The following KIRREL3 variants were observed in gnomAD, a reference collection of about 807,000 sequenced individuals.
KIRREL3 encodes kin of IRRE-like protein 3.
KIRREL3 carries 36 observed loss-of-function variants against 89.7 expected under a neutral mutation model. The ratio of observed to expected loss-of-function variants is 0.40; its 90% CI spans 0.31 to 0.53. The LOEUF (loss-of-function observed/expected upper bound fraction) is 0.53, where lower values mean the gene tolerates loss of function less well. Among genes scored for constraint, KIRREL3 ranks in the 20% least tolerant of loss-of-function variants. The pLI is 0.49. For missense variants in KIRREL3, 864 were observed against 1,056.6 expected (o/e 0.82, Z 2.53); for synonymous variants, 445 against 441.4 (o/e 1.01, Z -0.10).
At position 126,744,877 on chromosome 11, in the gene KIRREL3, A is replaced by C. The variant is rs1223632177; in HGVS notation, c.56-181965T>G. On this transcript the variant is annotated intron_variant, in intron 1 of 16. Transcript: ENST00000525144. The surrounding 1 kb of genome is among the most constrained non-coding windows in gnomAD (Gnocchi z 4.7). ...TTGTGTCTGCCACATAGTAAGTGCTAAAAAAAAAAAAAAAGGTGGGAAAAG... is the reference window on the plus strand; with the variant it reads ...TTGTGTCTGCCACATAGTAAGTGCTCAAAAAAAAAAAAAAGGTGGGAAAAG... Among the ~76,000 whole-genome samples the C allele has an allele frequency of 1.0e-3, 3 of 2,942 alleles. No individual in the cohort carries two copies. The highest frequency in any genetic ancestry group is 0.33 in the East Asian group (2 of 6). 1.9% of individuals were successfully genotyped at this position (2,942 alleles called of 152,430 possible).
Position 126,921,660 on chromosome 11 carries a change from A to G in KIRREL3, c.55+78795T>C, listed in dbSNP as rs188698810. Among the ~76,000 whole-genome samples the G allele has an allele frequency of 5.1e-4, 76 of 148,672 alleles. 2 individuals are homozygous for G. The highest frequency in any genetic ancestry group is 1.8e-3 in the African/African-American group (71 of 40,184). On this transcript the variant is annotated intron_variant, in intron 1 of 16. Coordinates refer to ENST00000525144, the MANE Select transcript of KIRREL3 (RefSeq NM_032531.4). ...CATCCATCTTCCTGTGTTCCTATCT[A>G]TCTATTATCTATCTGTAATCTATCT...
chr11:126,826,191 C>G (rs967529625), intron 1 of KIRREL3, among the ~76,000 whole-genome samples: 1 of 152,162 alleles, frequency 6.6e-6, no homozygotes, highest in African/African-American at 2.4e-5. Context: ...TTAACACCTG[C>G]TTTTCTTGCT....
chr11:126,457,467 ATG>A (rs754987430), intron 6 of KIRREL3, among the ~76,000 whole-genome samples: 4 of 150,470 alleles, frequency 2.7e-5, no homozygotes, highest in Admixed American at 2.6e-4. Flanking sequence ...ACATGTGTAT[ATG>A]TGTGTATGCT....
At chr11:126,460,908 A>G (rs1385653908) in intron 6 of KIRREL3, among the ~76,000 whole-genome samples, 1 of 152,208 alleles carries the variant, frequency 6.6e-6, no homozygotes, top group Non-Finnish European at 1.5e-5. Context: ...AACATTTTGT[A>G]CAGGCCTCCT....
rs140692798 is a variant in KIRREL3 at position 126,773,080 on chromosome 11, G to T, written c.56-210168C>A. ...AGACTGTTGTTGACCAAAGCCATTA[G>T]CTCCTAAAATACTGGGAATGAGGGA... On this transcript the variant is annotated intron_variant, in intron 1 of 16. Transcript: ENST00000525144. This position sits in a 1 kb window ranked among gnomAD's most constrained non-coding sequence, Gnocchi z 4.2. Among the ~76,000 whole-genome samples, 38 of 152,308 alleles carry T rather than the reference G, an allele frequency of 2.5e-4. No homozygotes were observed. In the East Asian group the frequency reaches 5.4e-3, roughly 22 times the overall value.
In KIRREL3 at chr11:126,870,687, G is replaced by A. The variant is rs1945078250; in HGVS notation, c.55+129768C>T. 6.6e-6 allele frequency among the ~76,000 whole-genome samples: 1 copy of A among 152,122 alleles called. No homozygotes were observed. Among genetic ancestry groups the A allele is most frequent in the Non-Finnish European group, 1.5e-5 (1 of 68,018 alleles). On this transcript the variant is annotated intron_variant, in intron 1 of 16. Transcript: ENST00000525144. This position sits in a 1 kb window ranked among gnomAD's most constrained non-coding sequence, Gnocchi z 4.4. The stretch of plus-strand genomic sequence containing the variant: ...CGCCATCTATTTGCACAGCTCATCT[G>A]GGAAGGCAGCAGTGATAATGTGAGC...
At chr11:126,839,332 C>T (rs573633254) in intron 1 of KIRREL3, among the ~76,000 whole-genome samples, 1 of 152,084 alleles carries the variant, frequency 6.6e-6, no homozygotes, top group Admixed American at 6.5e-5. Context: ...GCTGAAATAG[C>T]CTAGAATAGT....
intron 1 of KIRREL3, among the ~76,000 whole-genome samples, chr11:126,753,496 T>G (rs544743320): frequency 6.6e-6 from 1 of 152,300 alleles, no homozygotes; most frequent in East Asian, 1.9e-4. Context: ...TTTTTTAAAA[T>G]AAAATGAAAT....
intron 3 of KIRREL3, among the ~76,000 whole-genome samples, chr11:126,524,077 G>C (rs1958675483): frequency 6.6e-6 from 1 of 152,164 alleles, no homozygotes; most frequent in African/African-American, 2.4e-5. Flanking sequence ...TTAGAGTCTG[G>C]GTTCTATAGT....
Position 126,999,486 on chromosome 11 carries a change from A to AT in KIRREL3, c.55+968dup, listed in dbSNP as rs746676619. Among the ~76,000 whole-genome samples, 34 of 152,186 alleles carry AT rather than the reference A, an allele frequency of 2.2e-4. No individual in the cohort carries two copies. Among genetic ancestry groups the AT allele is most frequent in the Admixed American group, 1.3e-3 (20 of 15,302 alleles). On this transcript the variant is annotated intron_variant, in intron 1 of 16. Coordinates refer to ENST00000525144, the MANE Select transcript of KIRREL3 (RefSeq NM_032531.4). The surrounding 1 kb of genome is among the most constrained non-coding windows in gnomAD (Gnocchi z 5.7). ...AACAGATGGACGTGCTCTGTTGTGG[A>AT]TTTTTTCTGAGTCTTGCACCTCTAA...
rs192653152 is a variant in KIRREL3 at position 126,663,406 on chromosome 11, C to T, written c.56-100494G>A. Among the ~76,000 whole-genome samples the T allele has an allele frequency of 5.3e-5, 8 of 151,984 alleles. No homozygotes were observed. The East Asian group carries it at 7.7e-4, about 15-fold the overall frequency. On this transcript the variant is annotated intron_variant, in intron 1 of 16. Coordinates refer to ENST00000525144, the MANE Select transcript of KIRREL3 (RefSeq NM_032531.4). ...TTCACCATGTTAGCCAGGATGGTCT[C>T]GATGTCCTGACCTCGTGATCCGCCT...
rs1234993553 is a variant in KIRREL3, at chr11:126,931,341, C to T, written c.55+69114G>A. Among the ~76,000 whole-genome samples, 2 of 43,236 alleles carry T rather than the reference C, an allele frequency of 4.6e-5. No homozygotes were observed. The highest frequency in any genetic ancestry group is 1.5e-4 in the African/African-American group (1 of 6,612). The allele number at this position is 43,236 out of a possible 152,430, so 28.4% of individuals were successfully genotyped here. ...TGGAATCTATTACCTGCCTTTCCTC[C>T]CTCCCTCCATACATTCCTTCTTTCC... On this transcript the variant is annotated intron_variant, in intron 1 of 16. Transcript: ENST00000525144. This position sits in a 1 kb window ranked among gnomAD's most constrained non-coding sequence, Gnocchi z 5.1.
Position 126,783,575 on chromosome 11 carries a change from G to T in KIRREL3, c.55+216880C>A, listed in dbSNP as rs989011289. Among the ~76,000 whole-genome samples the T allele has an allele frequency of 1.3e-5, 2 of 152,214 alleles. No individual in the cohort carries two copies. The highest frequency in any genetic ancestry group is 2.9e-5 in the Non-Finnish European group (2 of 68,046). On this transcript the variant is annotated intron_variant, in intron 1 of 16. Coordinates refer to ENST00000525144, the MANE Select transcript of KIRREL3 (RefSeq NM_032531.4). This position sits in a 1 kb window ranked among gnomAD's most constrained non-coding sequence, Gnocchi z 4.3. ...ACTGAAAGAGCTCCCATTGACCAAA[G>T]ATGGCATGCTTTAGCAACAAAATAG...
Position 126,965,562 on chromosome 11 carries a change from A to G in KIRREL3, c.55+34893T>C, listed in dbSNP as rs2135195299. On this transcript the variant is annotated intron_variant, in intron 1 of 16. Coordinates refer to ENST00000525144, the MANE Select transcript of KIRREL3 (RefSeq NM_032531.4). This position sits in a 1 kb window ranked among gnomAD's most constrained non-coding sequence, Gnocchi z 4.4. ...TAACACGTGCGTCATTGCCATTTGA[A>G]TTCACGGATCCAGTGATCCCTGCTT... Among the ~76,000 whole-genome samples the G allele has an allele frequency of 6.6e-6, 1 of 152,340 alleles. No homozygotes were observed. Among genetic ancestry groups the G allele is most frequent in the African/African-American group, 2.4e-5 (1 of 41,578 alleles).
chr11:126,710,457 G>A lies in KIRREL3; in HGVS notation c.56-147545C>T, dbSNP rs1947712655. On this transcript the variant is annotated intron_variant, in intron 1 of 16. Transcript: ENST00000525144. This position sits in a 1 kb window ranked among gnomAD's most constrained non-coding sequence, Gnocchi z 4.2. ...CCCACGACTGTTCAATAGCATTCAA[G>A]TAACCCTTCATGGCATGCCGAGATT... 1.3e-5 allele frequency among the ~76,000 whole-genome samples: 2 copies of A among 152,176 alleles called. No individual in the cohort carries two copies. The highest frequency in any genetic ancestry group is 2.4e-5 in the African/African-American group (1 of 41,448).
rs542953801 is a variant in KIRREL3, at chr11:126,538,606, C to A, written c.134-11919G>T. Among the ~76,000 whole-genome samples the A allele has an allele frequency of 3.8e-4, 57 of 149,368 alleles. No individual in the cohort carries two copies. In the Middle Eastern group the frequency reaches 0.01, roughly 27 times the overall value. On this transcript the variant is annotated intron_variant, in intron 2 of 16. Coordinates refer to ENST00000525144, the MANE Select transcript of KIRREL3 (RefSeq NM_032531.4). ...TCCAGAATGCCCAGTTGGTGACCTG[C>A]TCGGGGAACAGGATTGGGGGTGATA...
chr11:126,682,455 T>C lies in KIRREL3; in HGVS notation c.56-119543A>G, dbSNP rs1946501021. On this transcript the variant is annotated intron_variant, in intron 1 of 16. Coordinates refer to ENST00000525144, the MANE Select transcript of KIRREL3 (RefSeq NM_032531.4). This position sits in a 1 kb window ranked among gnomAD's most constrained non-coding sequence, Gnocchi z 4.8. ...TGAGTAGGTGTGCAATCAATATTTG[T>C]TTTTTCCTGCCACTCCTTTACCAGG... is the stretch of plus-strand genomic sequence containing the variant. Among the ~76,000 whole-genome samples, 1 of 152,098 alleles carries C rather than the reference T, an allele frequency of 6.6e-6. No homozygotes were observed. Among genetic ancestry groups the C allele is most frequent in the African/African-American group, 2.4e-5 (1 of 41,418 alleles).
rs374455221 is a variant in KIRREL3 at position 126,492,218 on chromosome 11, C to T, written c.434-18752G>A. On this transcript the variant is annotated intron_variant, in intron 4 of 16. Transcript: ENST00000525144. The surrounding 1 kb of genome is among the most constrained non-coding windows in gnomAD (Gnocchi z 4.8). ...AGGGGAAGATGGGCTCAGGCTGCAG[C>T]GTGAGGGAGTGAGGTTAGACATCTG... is the stretch of plus-strand genomic sequence containing the variant. 2.6e-5 allele frequency among the ~76,000 whole-genome samples: 4 copies of T among 152,088 alleles called. No individual in the cohort carries two copies. Among genetic ancestry groups the T allele is most frequent in the African/African-American group, 7.2e-5 (3 of 41,396 alleles).
intron 1 of KIRREL3, among the ~76,000 whole-genome samples, chr11:126,850,451 G>T (rs943982922): frequency 1.3e-5 from 2 of 152,160 alleles, no homozygotes; most frequent in South Asian, 2.1e-4. Context: ...TTGAGTTGGG[G>T]TAGAGGCAAA....
Sources: allele counts gnomAD v4.1 joint callset (sites outside exome capture counted in the v4.1 genomes callset), GRCh38; gene constraint gnomAD v4.1.1; non-coding constraint Gnocchi (gnomAD v3.1); transcripts MANE v1.5; gene names NCBI Gene and HGNC (gene_info 2026-07-23, HGNC 2026-07-21).